The following PSG9 variants were observed in gnomAD, a reference collection of about 807,000 sequenced individuals.
PSG9 encodes the protein pregnancy-specific beta-1-glycoprotein 9.
Under a neutral mutation model 41.9 loss-of-function variants are expected in PSG9, and 49 were observed. That is an observed-to-expected ratio of 1.17 (90% CI 0.93 to 1.48). The LOEUF (loss-of-function observed/expected upper bound fraction) is 1.48, where lower values mean the gene tolerates loss of function less well. PSG9 is among the 40% of genes most tolerant of loss of function. The probability of loss-of-function intolerance (pLI) is 0.00; values close to 1 mark genes in which losing one functional copy is unlikely to be tolerated. For synonymous variants in PSG9, 263 were observed against 196.8 expected (o/e 1.34, Z -2.82); for missense variants, 641 against 520.3 (o/e 1.23, Z -2.26).
intron 1 of PSG9, 79 bp downstream of exon 1, chr19:43,269,289 A>C (rs1305647428): frequency 1.9e-6 from 3 of 1,604,456 alleles, no homozygotes; most frequent in African/African-American, 1.3e-5. Flanking sequence ...TTTATTTTAC[A>C]ACCCCATCCT....
At chr19:43,263,129 C>T (rs1968804657) in intron 2 of PSG9, among the ~76,000 whole-genome samples, 1 of 152,108 alleles carries the variant, frequency 6.6e-6, no homozygotes, top group South Asian at 2.1e-4. Flanking sequence ...CTCTATGTAC[C>T]TCCTATCAGT....
At chr19:43,265,837 G>T (rs1435014149) in intron 2 of PSG9, among the ~76,000 whole-genome samples, 1 of 152,104 alleles carries the variant, frequency 6.6e-6, no homozygotes, top group Non-Finnish European at 1.5e-5. Context: ...CCATGGATGG[G>T]AATACAGTGG....
In PSG9 at chr19:43,269,512, C is replaced by T; in HGVS notation, c.-81G>A. The T allele has an allele frequency of 1.3e-6, 2 of 1,581,240 alleles. No individual in the cohort carries two copies. The highest frequency in any genetic ancestry group is 2.2e-5 in the South Asian group (2 of 89,166). The stretch of plus-strand genomic sequence containing the variant: ...TGTCTGAGCACGGCTGTCAGCTGTG[C>T]TGTCCTTCCTCCTTCTGTGCTGAGC... On this transcript the variant is annotated 5_prime_UTR_variant, in exon 1 of 6. Transcript: ENST00000270077.
At chr19:43,257,508 G>T in intron 5 of PSG9, 1 of 977,938 alleles carries the variant, frequency 1.0e-6, no homozygotes, top group Non-Finnish European at 1.2e-6. Context: ...GCCTCATACA[G>T]CTGGTGACTT....
At position 43,259,002 on chromosome 19, in the gene PSG9, G is replaced by A. The variant is rs2355448; in HGVS notation, c.843C>T (p.Pro281=). ...TGGGTCGCTTTACCCCGGGACTGAC[G>A]GGGAGGCTCTGACCGTTTAGCCACC... is the stretch of plus-strand genomic sequence containing the variant. The part of the protein sequence containing the change: ...YIWWLNGQSL[P]VSPGVKRPIE... Residue 281 remains proline, a synonymous_variant, in exon 4 of 6, where the codon CCC becomes CCT. Coordinates refer to ENST00000270077, the MANE Select transcript of PSG9 (RefSeq NM_002784.5). The A allele has an allele frequency of 9.9e-5, 157 of 1,590,580 alleles. 12 individuals carry two copies. The highest frequency in any genetic ancestry group is 1.1e-4 in the Non-Finnish European group (133 of 1,174,490).
intron 2 of PSG9, among the ~76,000 whole-genome samples, chr19:43,265,047 G>A (rs2122548793): frequency 6.6e-6 from 1 of 152,224 alleles, no homozygotes; most frequent in East Asian, 1.9e-4. Flanking sequence ...GACTCCATCT[G>A]GCATCTAGTC....
At chr19:43,268,921 G>T (rs529696510) in intron 1 of PSG9, among the ~76,000 whole-genome samples, 1 of 152,080 alleles carries the variant, frequency 6.6e-6, no homozygotes, top group African/African-American at 2.4e-5. Context: ...TACCAATTCC[G>T]GTTCAATGTG....
chr19:43,266,221 G>A (rs1474289838), intron 2 of PSG9, among the ~76,000 whole-genome samples: 1 of 151,934 alleles, frequency 6.6e-6, no homozygotes, highest in Non-Finnish European at 1.5e-5. Context: ...GAACCCTCCG[G>A]TGGCCAAAGA....
rs186584956 is a variant in PSG9 at position 43,267,427 on chromosome 19, G to A, written c.430+357C>T. ...CTTCTAGGGCTGAGCTTCTCTGAGA[G>A]TATCTCAGGGGTCCCCTCAAGCCAA... is the stretch of plus-strand genomic sequence containing the variant. On this transcript the variant is annotated intron_variant, in intron 2 of 5. Coordinates refer to ENST00000270077, the MANE Select transcript of PSG9 (RefSeq NM_002784.5). Among the ~76,000 whole-genome samples the A allele has an allele frequency of 7.2e-5, 11 of 152,156 alleles. No homozygotes were observed. In the East Asian group the frequency reaches 2.1e-3, roughly 29 times the overall value.
chr19:43,263,526 A>G (rs1968824213), intron 2 of PSG9, among the ~76,000 whole-genome samples: 1 of 151,530 alleles, frequency 6.6e-6, no homozygotes, highest in South Asian at 2.1e-4. Context: ...AATTTGTTAT[A>G]CTGTAATTTT....
chr19:43,264,362 T>C (rs965956684), intron 2 of PSG9, among the ~76,000 whole-genome samples: 1 of 152,188 alleles, frequency 6.6e-6, no homozygotes, highest in African/African-American at 2.4e-5. Context: ...TTTTTCAGTT[T>C]TGGAAGTTTC....
At chr19:43,263,823 C>A (rs60200812) in intron 2 of PSG9, among the ~76,000 whole-genome samples, 33,672 of 151,704 alleles carry the variant, frequency 0.22, 4,282 homozygotes, top group East Asian at 0.48. Context: ...TTAAAAGGAC[C>A]GAACTGGTCA....
rs1219332995 is a variant in PSG9 at position 43,254,674 on chromosome 19, C to A, written c.1244-1028G>T. 4.7e-4 allele frequency among the ~76,000 whole-genome samples: 69 copies of A among 145,722 alleles called. 5 individuals carry two copies. Among genetic ancestry groups the A allele is most frequent in the Non-Finnish European group, 2.8e-4 (19 of 67,288 alleles). ...ATATACATAAAATGGAGAATGGAAACAGAATAGAGGAAATTAATGAAACCA... is the reference window on the plus strand; with the variant it reads ...ATATACATAAAATGGAGAATGGAAAAAGAATAGAGGAAATTAATGAAACCA... On this transcript the variant is annotated intron_variant, in intron 5 of 5. Transcript: ENST00000270077.
In PSG9 at chr19:43,268,002, T is replaced by C. The variant is rs1418836455; in HGVS notation, c.212A>G (p.Glu71Gly). 1 of 1,613,758 alleles carries C rather than the reference T, an allele frequency of 6.2e-7. No homozygotes were observed. Among genetic ancestry groups the C allele is most frequent in the Non-Finnish European group, 8.5e-7 (1 of 1,179,890 alleles). The change falls in exon 2 of 6, where the codon GAA (glutamate) becomes GGA (glycine). Residue 71 changes from glutamate (E) to glycine (G), a missense_variant. Transcript: ENST00000270077. ...AATGTAATGGTAGAGGTCCGTCATT[T>C]CCCCTTTGTACCAGAAGTAGCCAGG... Reference protein sequence around the residue: ...NLPGYFWYKGEMTDLYHYIIS... With the variant: ...NLPGYFWYKGGMTDLYHYIIS...
chr19:43,269,529 G>A lies in PSG9; in HGVS notation c.-98C>T. The A allele has an allele frequency of 6.5e-7, 1 of 1,546,346 alleles. No individual in the cohort carries two copies. The highest frequency in any genetic ancestry group is 8.8e-7 in the Non-Finnish European group (1 of 1,133,206). Reference sequence around the variant, plus strand: ...CAGCTGTGCTGTCCTTCCTCCTTCTGTGCTGAGCCTCTTCCCGGGGCAGGA... The same window carrying A: ...CAGCTGTGCTGTCCTTCCTCCTTCTATGCTGAGCCTCTTCCCGGGGCAGGA... On this transcript the variant is annotated 5_prime_UTR_variant, in exon 1 of 6. Transcript: ENST00000270077.
In PSG9 at chr19:43,258,191, G is replaced by C. The variant is rs772784778; in HGVS notation, c.1243+11C>G. 4 of 1,592,510 alleles carry C rather than the reference G, an allele frequency of 2.5e-6. 2 individuals are homozygous for C. The highest frequency in any genetic ancestry group is 5.3e-5 in the East Asian group (2 of 37,556). ...AAAACCCTACTGCCAAGGATGCTGG[G>C]ATCCACTTACCAGAGACTTTGACTG... On this transcript the variant is annotated intron_variant, in intron 5 of 5. Transcript: ENST00000270077.
intron 1 of PSG9, among the ~76,000 whole-genome samples, chr19:43,268,636 C>G (rs56135657): frequency 0.072 from 10,986 of 152,164 alleles, 913 homozygotes; most frequent in African/African-American, 0.2. Context: ...GCGTGAGCTC[C>G]GTGAGGACAG....
chr19:43,256,411 A>G (rs1462904176), intron 5 of PSG9, among the ~76,000 whole-genome samples: 1 of 146,940 alleles, frequency 6.8e-6, no homozygotes, highest in Non-Finnish European at 1.5e-5. Flanking sequence ...GCAACCCACG[A>G]AATGATAAAA....
chr19:43,257,624 G>A (rs1228201682), intron 5 of PSG9: 17 of 1,001,514 alleles, frequency 1.7e-5, no homozygotes, highest in Non-Finnish European at 2.0e-5. Flanking sequence ...GCTCAATTTA[G>A]CCAAATTCAG....
Sources: gnomAD v4.1 joint callset for allele counts (sites outside exome capture counted in the v4.1 genomes callset) on GRCh38, gnomAD v4.1.1 for gene constraint, MANE v1.5 for transcripts, NCBI Gene and HGNC (gene_info 2026-07-23, HGNC 2026-07-21) for gene names.